BBC3: variants seen among roughly 807,000 people sequenced by gnomAD.
The protein encoded by BBC3 is bcl-2-binding component 3.
BBC3 carries 5 observed loss-of-function variants against 18.2 expected under a neutral mutation model. That is an observed-to-expected ratio of 0.27 (90% CI 0.14 to 0.58). The LOEUF (loss-of-function observed/expected upper bound fraction) is 0.58. BBC3 is among the 20% of genes least tolerant of loss of function. BBC3 has a pLI of 0.91. For synonymous variants in BBC3, 119 were observed against 128.0 expected (o/e 0.93, Z 0.47); for missense variants, 224 against 268.9 (o/e 0.83, Z 1.17).
intron 3 of BBC3, among the ~76,000 whole-genome samples, chr19:47,224,785 C>T (rs2058792166): frequency 6.8e-6 from 1 of 147,052 alleles, no homozygotes; most frequent in South Asian, 2.1e-4. Context: ...GGCTGGAGTG[C>T]AGTGGCATGA....
At chr19:47,226,159 T>C (rs1235853740) in intron 3 of BBC3, among the ~76,000 whole-genome samples, 1 of 151,550 alleles carries the variant, frequency 6.6e-6, no homozygotes, top group Non-Finnish European at 1.5e-5. Flanking sequence ...CGGGAAACTG[T>C]GTGGCGCTGC....
At position 47,228,240 on chromosome 19, in the gene BBC3, G is replaced by A; in HGVS notation, c.192C>T (p.Ala64=). Residue 64 remains alanine, a synonymous_variant, in exon 2 of 4, where the codon GCC becomes GCT. Transcript: ENST00000439096. The surrounding 1 kb of genome is among the most constrained non-coding windows in gnomAD (Gnocchi z 5.5). Reference sequence around the variant, plus strand: ...CCAGGGCGGCGGTGACGGCGGGTGGGGCGGTGGGGGCGCAGAGGTAGGCAG... The same window carrying A: ...CCAGGGCGGCGGTGACGGCGGGTGGAGCGGTGGGGGCGCAGAGGTAGGCAG... ...LPAAYLCAPT[A]PPAVTAALGG... is the part of the protein sequence containing the mutation. 8.2e-7 allele frequency: 1 copy of A among 1,218,912 alleles called. No homozygotes were observed. The highest frequency in any genetic ancestry group is 1.0e-6 in the Non-Finnish European group (1 of 979,576). 75.5% of individuals were successfully genotyped at this position (1,218,912 alleles called of 1,614,324 possible).
chr19:47,226,466 C>T, intron 3 of BBC3, 98 bp downstream of exon 3: 1 of 1,178,874 alleles, frequency 8.5e-7, no homozygotes, highest in African/African-American at 1.6e-5. Context: ...GACCCAGCCG[C>T]GCAGGGCAGC....
intron 3 of BBC3, 75 bp downstream of exon 3, chr19:47,226,489 T>A (rs950084135): frequency 7.3e-6 from 9 of 1,236,438 alleles, no homozygotes; most frequent in Non-Finnish European, 9.4e-6. Flanking sequence ...CTGCCGCACA[T>A]CTGGCGGGGG....
At chr19:47,232,225 C>G (rs1320696495), upstream of BBC3, among the ~76,000 whole-genome samples, 2 of 152,202 alleles carry the variant, frequency 1.3e-5, no homozygotes, top group African/African-American at 2.4e-5. Context: ...GTGGCGCATG[C>G]CTGTAATCCC....
intron 3 of BBC3, 116 bp downstream of exon 3, chr19:47,226,448 C>T: frequency 1.2e-6 from 1 of 864,502 alleles, no homozygotes; most frequent in Non-Finnish European, 1.6e-6. Flanking sequence ...CCTGCCTGTC[C>T]GCGGAGCGAC....
chr19:47,226,998 A>T, intron 2 of BBC3: 1 of 382,164 alleles, frequency 2.6e-6, no homozygotes, highest in Non-Finnish European at 4.7e-6. Flanking sequence ...TGTGGAAGGT[A>T]GACGGCCAGA....
In BBC3 at chr19:47,221,779, G is replaced by A. The variant is rs202031784; in HGVS notation, c.*23C>T. On this transcript the variant is annotated 3_prime_UTR_variant, in exon 4 of 4. Coordinates refer to ENST00000439096, the MANE Select transcript of BBC3 (RefSeq NM_014417.5). ...GGGGCCTGCCCCCCGAGTCCCTGAC[G>A]TCCACCGGGCGGGTGCAGGCACCTA... The A allele has an allele frequency of 8.1e-3, 13,104 of 1,608,400 alleles. 73 individuals are homozygous for A. Among genetic ancestry groups the A allele is most frequent in the Non-Finnish European group, 9.7e-3 (11,396 of 1,178,332 alleles).
rs2058747710 is a variant in BBC3, at chr19:47,221,381, AG to A, written c.*420del. On this transcript the variant is annotated 3_prime_UTR_variant, in exon 4 of 4. Transcript: ENST00000439096. ...TCCCAGGAGGAGGGGGGGAAGCACCAGGGGCCTGAGGCCAGGCCCAGAGTGA... is the reference window on the plus strand; with the variant it reads ...TCCCAGGAGGAGGGGGGGAAGCACCAGGGCCTGAGGCCAGGCCCAGAGTGA... The A allele has an allele frequency of 3.7e-6, 1 of 268,332 alleles. No homozygotes were observed. Among genetic ancestry groups the A allele is most frequent in the Non-Finnish European group, 6.8e-6 (1 of 146,766 alleles). The allele number at this position is 268,332 out of a possible 1,614,324, so 16.6% of individuals were successfully genotyped here. A position where few individuals can be genotyped will look rare whatever the true frequency, so the allele number is the denominator to read the frequency against.
upstream of BBC3, among the ~76,000 whole-genome samples, chr19:47,232,169 T>C (rs1396303962): frequency 6.6e-6 from 1 of 152,162 alleles, no homozygotes; most frequent in African/African-American, 2.4e-5. Context: ...CTGACCAACA[T>C]GATGAAACCC....
At chr19:47,232,510 C>T (rs1438086971), upstream of BBC3, 14 of 1,547,366 alleles carry the variant, frequency 9.0e-6, no homozygotes, top group Non-Finnish European at 1.2e-5. Flanking sequence ...CCTGGCCACA[C>T]TCACCACAAA....
chr19:47,229,647 A>AAC (rs142740252), intron 1 of BBC3, among the ~76,000 whole-genome samples: 4,256 of 147,824 alleles, frequency 0.029, 83 homozygotes, highest in Non-Finnish European at 0.043. Context: ...CCTCAGACCC[A>AAC]ACACACACAC....
At chr19:47,222,207 A>C in intron 3 of BBC3, 1 of 322,336 alleles carries the variant, frequency 3.1e-6, no homozygotes, top group Non-Finnish European at 5.7e-6. Flanking sequence ...TGAGAAAGAC[A>C]TCCCCCAAGG....
At position 47,230,764 on chromosome 19, in the gene BBC3, A is replaced by G; in HGVS notation, c.-16+165T>C. ...GCGCCCCAACGCCGAGCCGCCTCTCACCCGGCGACCCTGGCCCAGGGTCCC... is the reference window on the plus strand; with the variant it reads ...GCGCCCCAACGCCGAGCCGCCTCTCGCCCGGCGACCCTGGCCCAGGGTCCC... On this transcript the variant is annotated intron_variant, in intron 1 of 3. Coordinates refer to ENST00000439096, the MANE Select transcript of BBC3 (RefSeq NM_014417.5). This position sits in a 1 kb window ranked among gnomAD's most constrained non-coding sequence, Gnocchi z 6.7. The G allele has an allele frequency of 2.0e-6, 2 of 984,736 alleles. No individual in the cohort carries two copies. The highest frequency in any genetic ancestry group is 6.2e-5 in the Admixed American group (1 of 16,246). The allele number at this position is 984,736 out of a possible 1,614,324, so 61.0% of individuals were successfully genotyped here. A position where few individuals can be genotyped will look rare whatever the true frequency, so the allele number is the denominator to read the frequency against.
intron 3 of BBC3, among the ~76,000 whole-genome samples, chr19:47,225,779 T>C (rs1039737090): frequency 4.6e-5 from 7 of 152,138 alleles, no homozygotes; most frequent in Non-Finnish European, 1.0e-4. Flanking sequence ...GAATGCTCCA[T>C]GATTCTAAGC....
chr19:47,224,981 G>A (rs965260259), intron 3 of BBC3, among the ~76,000 whole-genome samples: 2 of 151,706 alleles, frequency 1.3e-5, no homozygotes, highest in African/African-American at 2.4e-5. Context: ...GCACGATCTC[G>A]GCTCACCGCA....
chr19:47,232,125 G>C (rs890584023), upstream of BBC3, among the ~76,000 whole-genome samples: 1 of 152,196 alleles, frequency 6.6e-6, no homozygotes, highest in Non-Finnish European at 1.5e-5. Context: ...GCCAAGGTGC[G>C]TGGACTGCCT....
At chr19:47,223,331 C>T (rs1467382478) in intron 3 of BBC3, among the ~76,000 whole-genome samples, 2 of 151,600 alleles carry the variant, frequency 1.3e-5, no homozygotes, top group African/African-American at 4.9e-5. Context: ...CTTTGGGAGG[C>T]CAAGGCAGGT....
chr19:47,227,929 G>C (rs1276923126), intron 2 of BBC3, among the ~76,000 whole-genome samples: 1 of 152,122 alleles, frequency 6.6e-6, no homozygotes, highest in African/African-American at 2.4e-5. Flanking sequence ...CTGCAATTCG[G>C]GGACTGCAGT....
Sources: allele counts gnomAD v4.1 joint callset (sites outside exome capture counted in the v4.1 genomes callset), GRCh38; gene constraint gnomAD v4.1.1; non-coding constraint Gnocchi (gnomAD v3.1); transcripts MANE v1.5; gene names NCBI Gene and HGNC (gene_info 2026-07-23, HGNC 2026-07-21).